The following MOB4 variants were observed in gnomAD, a reference collection of about 807,000 sequenced individuals.
The protein encoded by MOB4 is MOB family member 4, phocein, also known as MOB-like protein phocein.
MOB4 carries 4 observed loss-of-function variants against 32.2 expected under a neutral mutation model. That is an observed-to-expected ratio of 0.12 (90% CI 0.06 to 0.28). The LOEUF (loss-of-function observed/expected upper bound fraction) is 0.28. Ranked by LOEUF, MOB4 falls within the 10% of genes least tolerant of loss-of-function variation. The pLI is 1.00. For synonymous variants in MOB4, 88 were observed against 88.1 expected, an observed-to-expected ratio of 1.00 and a Z score of 0.01; for missense variants, 158 against 271.2, an observed-to-expected ratio of 0.58 and a Z score of 2.93.
chr2:197,536,170 C>T (rs557245858), intron 3 of MOB4, among the ~76,000 whole-genome samples: 1 of 152,196 alleles, frequency 6.6e-6, no homozygotes, highest in East Asian at 1.9e-4. Context: ...AAGTATTGAG[C>T]CACCCTTTCT....
At position 197,516,315 on chromosome 2, in the gene MOB4, G is replaced by A. The variant is rs2086410530; in HGVS notation, c.60+169G>A. On this transcript the variant is annotated intron_variant, in intron 1 of 7. Transcript: ENST00000323303. Reference sequence around the variant, plus strand: ...TGCAGCCCCTCAATTTGGCTGAGGCGGTGGCGGCCGCCGTGAGGCCTGCGG... The same window carrying A: ...TGCAGCCCCTCAATTTGGCTGAGGCAGTGGCGGCCGCCGTGAGGCCTGCGG... 6 of 1,429,728 alleles carry A rather than the reference G, an allele frequency of 4.2e-6. No individual in the cohort carries two copies. The Admixed American group carries it at 9.2e-5, about 22-fold the overall frequency. 88.6% of individuals were successfully genotyped at this position (1,429,728 alleles called of 1,614,324 possible).
intron 1 of MOB4, 79 bp from the exon 2 acceptor site, chr2:197,523,545 G>T: frequency 2.1e-6 from 3 of 1,432,678 alleles, no homozygotes; most frequent in Non-Finnish European, 2.9e-6. Context: ...TCTAGTGTGA[G>T]CTTTGGGTCT....
intron 5 of MOB4, among the ~76,000 whole-genome samples, chr2:197,543,932 G>GTT (rs1031409111): frequency 3.4e-4 from 51 of 152,092 alleles, no homozygotes; most frequent in African/African-American, 1.1e-3. Context: ...TAGTGACATG[G>GTT]TTTCACCCTA....
chr2:197,535,755 G>C (rs2086786067), intron 3 of MOB4, 125 bp downstream of exon 3: 2 of 1,079,348 alleles, frequency 1.9e-6, no homozygotes, highest in East Asian at 5.3e-5. Flanking sequence ...TAAAGCTTTG[G>C]CATTTTCAGT....
intron 1 of MOB4, among the ~76,000 whole-genome samples, chr2:197,518,472 G>A (rs915137809): frequency 6.0e-5 from 9 of 149,630 alleles, no homozygotes; most frequent in Middle Eastern, 3.6e-3. Context: ...ATGTTAACCA[G>A]GCTGGTCTCG....
chr2:197,543,495 A>G (rs2086935629), intron 5 of MOB4, among the ~76,000 whole-genome samples: 1 of 152,046 alleles, frequency 6.6e-6, no homozygotes, highest in Non-Finnish European at 1.5e-5. Context: ...TGTAGCATGG[A>G]CATACAATGA....
At chr2:197,544,621 C>T (rs1559324240) in intron 5 of MOB4, among the ~76,000 whole-genome samples, 1 of 151,930 alleles carries the variant, frequency 6.6e-6, no homozygotes, top group Non-Finnish European at 1.5e-5. Flanking sequence ...GGCGCTGTGG[C>T]GTGTGCCTGT....
Position 197,550,702 on chromosome 2 carries a change from A to G in MOB4, c.*56A>G, listed in dbSNP as rs1368294354. On this transcript the variant is annotated 3_prime_UTR_variant, in exon 8 of 8. Transcript: ENST00000323303. ...ATAATTAACATTATGTACTGTATAT[A>G]TCATTTTAGACACATCAATCATGTA... The G allele has an allele frequency of 8.0e-6, 12 of 1,503,848 alleles. No individual in the cohort carries two copies. Among genetic ancestry groups the G allele is most frequent in the South Asian group, 1.4e-5 (1 of 69,894 alleles). 93.2% of individuals were successfully genotyped at this position (1,503,848 alleles called of 1,614,324 possible). A position where few individuals can be genotyped will look rare whatever the true frequency, so the allele number is the denominator to read the frequency against.
At chr2:197,528,689 C>T (rs1403924303) in intron 2 of MOB4, among the ~76,000 whole-genome samples, 2 of 149,532 alleles carry the variant, frequency 1.3e-5, no homozygotes, top group Non-Finnish European at 3.0e-5. Context: ...AATCTCTGCT[C>T]ACTGCAAGCT....
At chr2:197,539,995 G>A (rs976609120) in intron 3 of MOB4, 116 bp from the exon 4 acceptor site, 2 of 1,112,142 alleles carry the variant, frequency 1.8e-6, no homozygotes, top group African/African-American at 3.2e-5. Flanking sequence ...GTGGTTTTGA[G>A]AATGGTAATG....
intron 2 of MOB4, among the ~76,000 whole-genome samples, chr2:197,527,537 G>A (rs532236380): frequency 6.6e-6 from 1 of 152,138 alleles, no homozygotes; most frequent in Non-Finnish European, 1.5e-5. Context: ...TAACGTTCTT[G>A]TGGATTCTTT....
At position 197,535,519 on chromosome 2, in the gene MOB4, T is replaced by A. The variant is rs749449145; in HGVS notation, c.124-11T>A. ...TAATTTAATTAACCATAAGAACTTC[T>A]TTGTTTTTAGTATATTCAACAGAAC... On this transcript the variant is annotated splice_polypyrimidine_tract_variant and intron_variant, in intron 2 of 7. Transcript: ENST00000323303. The A allele has an allele frequency of 5.1e-6, 8 of 1,581,936 alleles. No homozygotes were observed. The African/African-American group carries it at 1.1e-4, about 22-fold the overall frequency.
intron 2 of MOB4, chr2:197,533,864 G>A (rs946427761): frequency 1.6e-6 from 1 of 644,452 alleles, no homozygotes; most frequent in Non-Finnish European, 2.9e-6. Context: ...AGAAACAAAA[G>A]CAAAATCGTC....
intron 2 of MOB4, among the ~76,000 whole-genome samples, chr2:197,530,727 A>C (rs1250890353): frequency 2.6e-5 from 4 of 152,032 alleles, no homozygotes; most frequent in Admixed American, 2.6e-4. Flanking sequence ...CAGCCTCTCA[A>C]GTAGCTGGGA....
intron 2 of MOB4, among the ~76,000 whole-genome samples, chr2:197,531,277 C>A (rs1368148021): frequency 6.6e-6 from 1 of 151,886 alleles, no homozygotes; most frequent in African/African-American, 2.4e-5. Context: ...ATCTCCTGAC[C>A]TCGTGATCCA....
At chr2:197,536,393 C>A (rs1450207747) in intron 3 of MOB4, among the ~76,000 whole-genome samples, 3 of 151,722 alleles carry the variant, frequency 2.0e-5, no homozygotes, top group African/African-American at 7.3e-5. Context: ...TTTGTAGAGA[C>A]AAGGTTTCAC....
At chr2:197,527,404 GT>G (rs1371551119) in intron 2 of MOB4, among the ~76,000 whole-genome samples, 2 of 152,008 alleles carry the variant, frequency 1.3e-5, no homozygotes, top group African/African-American at 2.4e-5. Context: ...AAGTTTCTAG[GT>G]GCTATTGTAA....
chr2:197,523,285 T>C (rs2086553780), intron 1 of MOB4, among the ~76,000 whole-genome samples: 1 of 152,182 alleles, frequency 6.6e-6, no homozygotes, highest in Non-Finnish European at 1.5e-5. Flanking sequence ...TTAATATTCA[T>C]TTAAAAAACA....
chr2:197,516,485 C>A (rs1408501895), intron 1 of MOB4: 3 of 938,630 alleles, frequency 3.2e-6, no homozygotes, highest in South Asian at 1.6e-5. Context: ...ATTGGAGGGG[C>A]GCGACCAGCC....
Sources: allele counts gnomAD v4.1 joint callset (sites outside exome capture counted in the v4.1 genomes callset), GRCh38; gene constraint gnomAD v4.1.1; transcripts MANE v1.5; gene names NCBI Gene and HGNC (gene_info 2026-07-23, HGNC 2026-07-21).